The following CALN1 variants were observed in gnomAD, a reference collection of about 807,000 sequenced individuals.
CALN1 encodes the protein calneuron 1.
A neutral mutation model predicts 30.6 loss-of-function variants in CALN1; 17 were observed. That is an observed-to-expected ratio of 0.56 (90% confidence interval 0.38 to 0.83). CALN1 has a LOEUF of 0.83. Ranked by LOEUF, CALN1 falls within the 40% of genes least tolerant of loss-of-function variation. CALN1 has a pLI of 0.00. For missense variants in CALN1, 291 were observed against 354.9 expected, an observed-to-expected ratio of 0.82 and a Z score of 1.45; for synonymous variants, 156 against 131.4, an observed-to-expected ratio of 1.19 and a Z score of -1.28.
the CALN1 span, among the ~76,000 whole-genome samples, chr7:72,479,006 T>C: frequency 6.6e-6 from 1 of 151,802 alleles, no homozygotes; most frequent in South Asian, 2.1e-4. Context: ...CTCAGCCTCC[T>C]GAGTAGCTGG....
chr7:72,068,698 C>T (rs963741294), intron 4 of CALN1, among the ~76,000 whole-genome samples: 2 of 152,142 alleles, frequency 1.3e-5, no homozygotes, highest in African/African-American at 2.4e-5. Context: ...ACCAGGCTAG[C>T]GAGGCTGGTC....
At chr7:72,496,204 G>A in the CALN1 span, among the ~76,000 whole-genome samples, 1 of 152,186 alleles carries the variant, frequency 6.6e-6, no homozygotes, top group Non-Finnish European at 1.5e-5. Context: ...TTACAGGTGT[G>A]AGCCACCATG....
Position 72,403,378 on chromosome 7 carries a change from C to T in CALN1, c.-9G>A, listed in dbSNP as rs1308065156. 1 of 1,541,120 alleles carries T rather than the reference C, an allele frequency of 6.5e-7. No homozygotes were observed. The highest frequency in any genetic ancestry group is 1.2e-5 in the South Asian group (1 of 83,764). On this transcript the variant is annotated 5_prime_UTR_variant, in exon 2 of 7. Transcript: ENST00000395275. ...TGCTCTGGCAGCCGCATCGGGGGTCCAGGGCGATGTTCTCAGAGAGAGTTA... is the reference window on the plus strand; with the variant it reads ...TGCTCTGGCAGCCGCATCGGGGGTCTAGGGCGATGTTCTCAGAGAGAGTTA...
Position 72,069,018 on chromosome 7 carries a change from G to A in CALN1, c.388+37133C>T, listed in dbSNP as rs143426854. Among the ~76,000 whole-genome samples, 41 of 152,334 alleles carry A rather than the reference G, an allele frequency of 2.7e-4. No homozygotes were observed. The East Asian group carries it at 3.9e-3, about 14-fold the overall frequency. On this transcript the variant is annotated intron_variant, in intron 4 of 6. Coordinates refer to ENST00000395275, the MANE Select transcript of CALN1 (RefSeq NM_031468.4). ...AGATATAGACTGATTCTAAGTTGCAGGAGAGTTCAGAACTGCTTTTGAGTA... is the reference window on the plus strand; with the variant it reads ...AGATATAGACTGATTCTAAGTTGCAAGAGAGTTCAGAACTGCTTTTGAGTA...
chr7:72,395,359 G>GCA (rs71069064), intron 2 of CALN1, among the ~76,000 whole-genome samples: 12,060 of 151,372 alleles, frequency 0.08, 644 homozygotes, highest in Non-Finnish European at 0.12. Flanking sequence ...GCACGCGCGC[G>GCA]CACACACACA....
chr7:72,001,312 T>A (rs1451780726), intron 5 of CALN1, among the ~76,000 whole-genome samples: 1 of 152,226 alleles, frequency 6.6e-6, no homozygotes, highest in East Asian at 1.9e-4. Context: ...CAATAAGATC[T>A]CAGGAGTTGG....
In CALN1 at chr7:72,059,397, AACCCTGACAAT is replaced by A. The variant is rs1803493247; in HGVS notation, c.389-35639_389-35629del. Among the ~76,000 whole-genome samples, 13 of 152,324 alleles carry A rather than the reference AACCCTGACAAT, an allele frequency of 8.5e-5. No individual in the cohort carries two copies. The South Asian group carries it at 2.7e-3, about 32-fold the overall frequency. ...AAGAAAATATGGGCAGATTGAAGCA[AACCCTGACAAT>A]CCCTCATACTTAGGAACTCCCAACC... On this transcript the variant is annotated intron_variant, in intron 4 of 6. Transcript: ENST00000395275.
chr7:72,345,213 CCT>C (rs974500509), intron 2 of CALN1, among the ~76,000 whole-genome samples: 23 of 149,476 alleles, frequency 1.5e-4, no homozygotes, highest in Non-Finnish European at 2.7e-4. Context: ...GAAAAGGAAA[CCT>C]TGGAAAGTGG....
chr7:72,311,364 G>A (rs1049631051), intron 2 of CALN1, among the ~76,000 whole-genome samples: 1 of 152,154 alleles, frequency 6.6e-6, no homozygotes, highest in Non-Finnish European at 1.5e-5. Context: ...GTCAACAATA[G>A]GCTATTAGTA....
chr7:72,212,276 G>A (rs902822116), intron 3 of CALN1, among the ~76,000 whole-genome samples: 2 of 150,922 alleles, frequency 1.3e-5, no homozygotes, highest in African/African-American at 4.9e-5. Context: ...CTGAACCCAC[G>A]AGGTGGAGGA....
At chr7:72,445,965 C>A (rs201921291) in intron 1 of CALN1, among the ~76,000 whole-genome samples, 97 of 152,254 alleles carry the variant, frequency 6.4e-4, no homozygotes, top group Non-Finnish European at 1.3e-3. Context: ...TTTAAAGCCC[C>A]TGGAAAATTC....
intron 5 of CALN1, among the ~76,000 whole-genome samples, chr7:71,985,111 T>C (rs915078909): frequency 6.6e-5 from 10 of 151,706 alleles, no homozygotes; most frequent in African/African-American, 1.9e-4. Context: ...CACCACCAAA[T>C]TGAAAAACCT....
chr7:72,203,936 T>G (rs1791618675), intron 3 of CALN1, among the ~76,000 whole-genome samples: 1 of 150,972 alleles, frequency 6.6e-6, no homozygotes, highest in South Asian at 2.1e-4. Context: ...ATAATGTTCT[T>G]GCAGCATTTC....
At chr7:72,403,160 G>A (rs938853224) in intron 2 of CALN1, 91 bp downstream of exon 2, 11 of 883,464 alleles carry the variant, frequency 1.2e-5, no homozygotes, top group Admixed American at 2.5e-5. Context: ...TAGACACGCA[G>A]CAGCGGCAAA....
At chr7:72,306,673 T>C (rs1301975443) in intron 2 of CALN1, among the ~76,000 whole-genome samples, 2 of 152,074 alleles carry the variant, frequency 1.3e-5, no homozygotes, top group African/African-American at 4.8e-5. Flanking sequence ...AGAAAATGTT[T>C]AAATTTACCT....
chr7:72,146,337 G>A (rs1473642285), intron 3 of CALN1, among the ~76,000 whole-genome samples: 1 of 151,848 alleles, frequency 6.6e-6, no homozygotes. Context: ...AACAGACAGA[G>A]AGCCAAATCA....
intron 2 of CALN1, among the ~76,000 whole-genome samples, chr7:72,296,923 C>T (rs938701499): frequency 6.6e-6 from 1 of 151,132 alleles, no homozygotes; most frequent in Non-Finnish European, 1.5e-5. Flanking sequence ...TTTGCTCTTG[C>T]TTTTCTAGTT....
intron 1 of CALN1, among the ~76,000 whole-genome samples, chr7:72,431,717 C>T (rs1807985663): frequency 6.6e-6 from 1 of 152,092 alleles, no homozygotes; most frequent in South Asian, 2.1e-4. Context: ...TCATGCGTGC[C>T]TGTAGTCCTG....
chr7:72,304,017 A>T (rs1799475497), intron 2 of CALN1, among the ~76,000 whole-genome samples: 1 of 152,260 alleles, frequency 6.6e-6, no homozygotes, highest in Non-Finnish European at 1.5e-5. Context: ...AATTTCAGAT[A>T]GAGAACAAAT....
Sources: gnomAD v4.1 joint callset for allele counts (sites outside exome capture counted in the v4.1 genomes callset) on GRCh38, gnomAD v4.1.1 for gene constraint, MANE v1.5 for transcripts, NCBI Gene and HGNC (gene_info 2026-07-23, HGNC 2026-07-21) for gene names.